LSAMP: variants seen among roughly 807,000 people sequenced by gnomAD.
The protein encoded by LSAMP is limbic system-associated membrane protein.
A neutral mutation model predicts 38.6 loss-of-function variants in LSAMP; 7 were observed. That is an observed-to-expected ratio of 0.18 (90% CI 0.10 to 0.34). The LOEUF is 0.34. Among genes scored for constraint, LSAMP ranks in the 10% least tolerant of loss-of-function variants. LSAMP has a pLI of 1.00. For missense variants in LSAMP, 313 were observed against 420.0 expected (o/e 0.75, Z 2.23); for synonymous variants, 154 against 166.8 (o/e 0.92, Z 0.59).
intron 1 of LSAMP, among the ~76,000 whole-genome samples, chr3:116,149,426 C>G (rs932656588): frequency 6.6e-6 from 1 of 151,864 alleles, no homozygotes; most frequent in Non-Finnish European, 1.5e-5. Flanking sequence ...TTTTACAGTC[C>G]CTTTGACCAT....
chr3:116,409,391 G>A (rs946177358), intron 1 of LSAMP, among the ~76,000 whole-genome samples: 1 of 152,014 alleles, frequency 6.6e-6, no homozygotes, highest in African/African-American at 2.4e-5. Flanking sequence ...TGCTTTGCAT[G>A]ATGGGATCTG....
intron 2 of LSAMP, among the ~76,000 whole-genome samples, chr3:116,027,214 C>T (rs1230409803): frequency 1.3e-5 from 2 of 152,286 alleles, no homozygotes; most frequent in Admixed American, 6.5e-5. Context: ...CAGCTGACTT[C>T]CCCACTTGTG....
intron 1 of LSAMP, among the ~76,000 whole-genome samples, chr3:116,434,028 C>T (rs73151122): frequency 8.3e-4 from 126 of 152,274 alleles, no homozygotes; most frequent in Non-Finnish European, 1.2e-3. Flanking sequence ...AGAATAACTG[C>T]AATGGGAAAT....
At chr3:116,295,708 T>C (rs2047322544) in intron 1 of LSAMP, among the ~76,000 whole-genome samples, 1 of 152,190 alleles carries the variant, frequency 6.6e-6, no homozygotes, top group African/African-American at 2.4e-5. Context: ...TGTGTCTTAA[T>C]TGAATTAGAA....
At chr3:115,935,837 T>C (rs564273059) in intron 3 of LSAMP, among the ~76,000 whole-genome samples, 1 of 152,276 alleles carries the variant, frequency 6.6e-6, no homozygotes, top group Non-Finnish European at 1.5e-5. Flanking sequence ...TGGCTGTAAA[T>C]AGCACTCTTT....
At chr3:116,217,999 C>G (rs1029706048) in intron 1 of LSAMP, among the ~76,000 whole-genome samples, 4 of 152,132 alleles carry the variant, frequency 2.6e-5, no homozygotes, top group Non-Finnish European at 4.4e-5. Context: ...CATGTCTAGT[C>G]TTAAACTTTT....
At chr3:115,895,744 A>G (rs1936712686) in intron 3 of LSAMP, among the ~76,000 whole-genome samples, 1 of 152,012 alleles carries the variant, frequency 6.6e-6, no homozygotes, top group South Asian at 2.1e-4. Context: ...GTAAGACCAT[A>G]TTTATCCAGG....
At chr3:115,854,279 A>T (rs56159507) in intron 3 of LSAMP, among the ~76,000 whole-genome samples, 14,887 of 114,772 alleles carry the variant, frequency 0.13, 1,503 homozygotes, top group Non-Finnish European at 0.17. Context: ...TATTATTATT[A>T]TTATTTTTTT....
At chr3:116,017,225 C>A (rs2107683955) in intron 3 of LSAMP, among the ~76,000 whole-genome samples, 1 of 152,218 alleles carries the variant, frequency 6.6e-6, no homozygotes, top group Non-Finnish European at 1.5e-5. Flanking sequence ...AAAAAGGAAT[C>A]TATCTTTAAG....
intron 1 of LSAMP, among the ~76,000 whole-genome samples, chr3:116,352,274 G>A (rs541709857): frequency 5.3e-5 from 8 of 152,178 alleles, no homozygotes; most frequent in Admixed American, 6.6e-5. Context: ...GGCAGCCAGC[G>A]GAGAGCAAAG....
intron 1 of LSAMP, among the ~76,000 whole-genome samples, chr3:116,216,427 CT>C (rs1246185397): frequency 5.3e-5 from 8 of 152,016 alleles, no homozygotes; most frequent in African/African-American, 1.9e-4. Flanking sequence ...CAGTGTACAT[CT>C]TGTAATTGAT....
At chr3:116,118,625 A>C (rs116382967) in intron 1 of LSAMP, among the ~76,000 whole-genome samples, 1,823 of 152,248 alleles carry the variant, frequency 0.012, 33 homozygotes, top group African/African-American at 0.041. Context: ...GTCTTTCCAC[A>C]GATTTGCTCA....
intron 2 of LSAMP, among the ~76,000 whole-genome samples, chr3:116,034,076 T>C (rs1159599475): frequency 6.6e-6 from 1 of 151,946 alleles, no homozygotes; most frequent in Admixed American, 6.6e-5. Context: ...ACTGTCTCTA[T>C]GTCCCATTAC....
intron 1 of LSAMP, among the ~76,000 whole-genome samples, chr3:116,247,105 T>C (rs1386757667): frequency 6.6e-6 from 1 of 152,192 alleles, no homozygotes; most frequent in African/African-American, 2.4e-5. Flanking sequence ...AGGGCTTACA[T>C]TCCATTTTCA....
chr3:116,078,461 A>G (rs1013698707), intron 2 of LSAMP, among the ~76,000 whole-genome samples: 4 of 151,908 alleles, frequency 2.6e-5, no homozygotes, highest in Non-Finnish European at 5.9e-5. Flanking sequence ...AGTAGCTGGG[A>G]CTACAGGTGC....
At chr3:116,077,380 G>C (rs1038150869) in intron 2 of LSAMP, among the ~76,000 whole-genome samples, 2 of 151,534 alleles carry the variant, frequency 1.3e-5, no homozygotes, top group African/African-American at 4.8e-5. Context: ...ATCAAGAATA[G>C]AAGTTAAACT....
At chr3:116,237,406 C>T (rs1410180934) in intron 1 of LSAMP, among the ~76,000 whole-genome samples, 1 of 152,036 alleles carries the variant, frequency 6.6e-6, no homozygotes, top group Non-Finnish European at 1.5e-5. Context: ...GGTGGCAATG[C>T]TAATGATTGT....
At chr3:116,175,216 G>T (rs541590599) in intron 1 of LSAMP, among the ~76,000 whole-genome samples, 1 of 152,080 alleles carries the variant, frequency 6.6e-6, no homozygotes, top group South Asian at 2.1e-4. Context: ...CCAAGGGTTT[G>T]CTTGCTTTCT....
chr3:116,180,053 T>C (rs1161178047), intron 1 of LSAMP, among the ~76,000 whole-genome samples: 1 of 152,184 alleles, frequency 6.6e-6, no homozygotes, highest in African/African-American at 2.4e-5. Context: ...TTTGCTCATT[T>C]TCGTTCAATC....
Sources: allele counts gnomAD v4.1 joint callset (sites outside exome capture counted in the v4.1 genomes callset), GRCh38; gene constraint gnomAD v4.1.1; transcripts MANE v1.5; gene names NCBI Gene and HGNC (gene_info 2026-07-23, HGNC 2026-07-21).